KCNH1: variants seen among roughly 807,000 people sequenced by gnomAD.
KCNH1 encodes the protein voltage-gated delayed rectifier potassium channel KCNH1.
KCNH1 carries 27 observed loss-of-function variants against 69.2 expected under a neutral mutation model. The ratio of observed to expected loss-of-function variants is 0.39; its 90% CI spans 0.29 to 0.54. The LOEUF is 0.54. KCNH1 is among the 20% of genes least tolerant of loss of function. KCNH1 has a pLI of 0.68. For synonymous variants in KCNH1, 456 were observed against 487.7 expected (o/e 0.93, Z 0.86); for missense variants, 798 against 1,261.6 (o/e 0.63, Z 5.57).
chr1:211,098,052 G>T (rs1481036869), intron 3 of KCNH1, among the ~76,000 whole-genome samples: 1 of 152,178 alleles, frequency 6.6e-6, no homozygotes, highest in African/African-American at 2.4e-5. Flanking sequence ...CAGGCATGGT[G>T]GCTCATGCCT....
intron 10 of KCNH1, among the ~76,000 whole-genome samples, chr1:210,738,321 G>C (rs761223163): frequency 1.3e-5 from 2 of 152,154 alleles, no homozygotes; most frequent in Non-Finnish European, 2.9e-5. Context: ...CGTATTCACT[G>C]ATGTATCTCT....
At chr1:210,940,505 A>C (rs147461238) in intron 6 of KCNH1, among the ~76,000 whole-genome samples, 1 of 152,344 alleles carries the variant, frequency 6.6e-6, no homozygotes, top group East Asian at 1.9e-4. Context: ...GATAGCTTGC[A>C]ACCTTCCATT....
At chr1:210,806,832 A>ATATATATATATATATATATATAT (rs1684583816) in intron 7 of KCNH1, among the ~76,000 whole-genome samples, 1 of 65,956 alleles carries the variant, frequency 1.5e-5, no homozygotes, top group African/African-American at 5.4e-5. Flanking sequence ...AAAAAAAAAA[A>ATATATATATATATATATATATAT]AAAAATATAT....
chr1:210,846,232 T>G (rs1346380249), intron 7 of KCNH1, among the ~76,000 whole-genome samples: 2 of 152,134 alleles, frequency 1.3e-5, no homozygotes, highest in African/African-American at 4.8e-5. Flanking sequence ...AAAACTACTT[T>G]AAAGTTGATA....
chr1:210,821,193 C>G (rs1684920573), intron 7 of KCNH1, among the ~76,000 whole-genome samples: 1 of 152,080 alleles, frequency 6.6e-6, no homozygotes, highest in Non-Finnish European at 1.5e-5. Context: ...TCTTGGTGGC[C>G]TACCAAAGGC....
chr1:211,018,109 A>G (rs1380549255), intron 6 of KCNH1, among the ~76,000 whole-genome samples: 2 of 151,906 alleles, frequency 1.3e-5, no homozygotes, highest in Non-Finnish European at 1.5e-5. Context: ...TTCACCTTCC[A>G]CCATGAGTGA....
chr1:210,723,482 C>G (rs1335008460), intron 10 of KCNH1, among the ~76,000 whole-genome samples: 1 of 152,004 alleles, frequency 6.6e-6, no homozygotes, highest in Non-Finnish European at 1.5e-5. Flanking sequence ...GAAACTCTCC[C>G]CAAAGAAAAA....
chr1:210,926,265 A>T (rs986033976), intron 6 of KCNH1, among the ~76,000 whole-genome samples: 2 of 116,926 alleles, frequency 1.7e-5, no homozygotes, highest in African/African-American at 6.5e-5. Context: ...CTCCATCTAA[A>T]CACACACACA....
chr1:210,706,404 A>C (rs1313094449), intron 10 of KCNH1, among the ~76,000 whole-genome samples: 1 of 152,276 alleles, frequency 6.6e-6, no homozygotes, highest in Non-Finnish European at 1.5e-5. Flanking sequence ...GGAAAGTAAA[A>C]TCTAACACAA....
intron 5 of KCNH1, among the ~76,000 whole-genome samples, chr1:211,057,268 C>A (rs1333424300): frequency 6.6e-6 from 1 of 152,070 alleles, no homozygotes; most frequent in Non-Finnish European, 1.5e-5. Context: ...AATAGTAGAA[C>A]TGATCAAGCA....
At chr1:210,971,095 C>A (rs1336657061) in intron 6 of KCNH1, among the ~76,000 whole-genome samples, 3 of 152,010 alleles carry the variant, frequency 2.0e-5, no homozygotes, top group African/African-American at 7.2e-5. Context: ...CAGTGAGATA[C>A]CATCTCATGC....
At chr1:210,782,231 C>A in intron 9 of KCNH1, among the ~76,000 whole-genome samples, 1 of 152,144 alleles carries the variant, frequency 6.6e-6, no homozygotes, top group Non-Finnish European at 1.5e-5. Context: ...AACAGCACTG[C>A]GCATCTTACT....
At chr1:210,700,341 G>C (rs1681743435) in intron 10 of KCNH1, among the ~76,000 whole-genome samples, 1 of 152,122 alleles carries the variant, frequency 6.6e-6, no homozygotes, top group Non-Finnish European at 1.5e-5. Flanking sequence ...CCTGCTGCAG[G>C]TATGGAGTGT....
At chr1:211,063,719 T>A (rs1423647825) in intron 5 of KCNH1, 1 of 150,092 alleles carries the variant, frequency 6.7e-6, no homozygotes, top group Non-Finnish European at 1.5e-5. Flanking sequence ...CCAGCCTGGG[T>A]GACAGACCAA....
Position 210,806,665 on chromosome 1 carries a change from C to T in KCNH1, c.1463-2499G>A, listed in dbSNP as rs192667082. On this transcript the variant is annotated intron_variant, in intron 7 of 10. Coordinates refer to ENST00000271751, the MANE Select transcript of KCNH1 (RefSeq NM_172362.3). ...TGTATTGTTTAATAATAGTTCATGT[C>T]TCTTTTTAAATAAGAAAAGCAAACA... Among the ~76,000 whole-genome samples, 16 of 150,694 alleles carry T rather than the reference C, an allele frequency of 1.1e-4. 1 individual carries two copies. Among genetic ancestry groups the T allele is most frequent in the Admixed American group, 1.1e-3 (16 of 15,142 alleles).
At chr1:211,115,996 C>T (rs1415039269) in intron 1 of KCNH1, among the ~76,000 whole-genome samples, 2 of 151,762 alleles carry the variant, frequency 1.3e-5, no homozygotes, top group African/African-American at 2.4e-5. Context: ...ATTAGCCGGG[C>T]ACAATGGCAT....
chr1:211,097,561 A>G (rs1691179965), intron 3 of KCNH1, among the ~76,000 whole-genome samples: 1 of 152,266 alleles, frequency 6.6e-6, no homozygotes, highest in South Asian at 2.1e-4. Context: ...TGAATAAATA[A>G]AAGATAACCC....
chr1:210,744,901 A>T (rs1319772356), intron 10 of KCNH1, among the ~76,000 whole-genome samples: 2 of 151,998 alleles, frequency 1.3e-5, no homozygotes, highest in East Asian at 3.9e-4. Context: ...AAGATTACAT[A>T]TGTAAAATTA....
At chr1:210,858,873 A>T in intron 7 of KCNH1, 1 of 257,030 alleles carries the variant, frequency 3.9e-6, no homozygotes, top group Non-Finnish European at 7.5e-6. Flanking sequence ...TTGTTTTCAG[A>T]TTTCCACAGT....
Sources: allele counts gnomAD v4.1 joint callset (sites outside exome capture counted in the v4.1 genomes callset), GRCh38; gene constraint gnomAD v4.1.1; transcripts MANE v1.5; gene names NCBI Gene and HGNC (gene_info 2026-07-23, HGNC 2026-07-21).